COMMD1: variants seen among roughly 807,000 people sequenced by gnomAD.
COMMD1 encodes COMM domain-containing protein 1.
COMMD1 carries 10 observed loss-of-function variants against 17.2 expected under a neutral mutation model. The observed-to-expected ratio is 0.58, with a 90% CI of 0.36 to 0.99. COMMD1 has a LOEUF of 0.99. Ranked by LOEUF, COMMD1 falls within the 50% of genes least tolerant of loss-of-function variation. The pLI, the probability that COMMD1 is intolerant of heterozygous loss-of-function variation, is 0.01. For missense variants in COMMD1, 270 were observed against 231.8 expected, an observed-to-expected ratio of 1.17 and a Z score of -1.07; for synonymous variants, 97 against 91.6, an observed-to-expected ratio of 1.06 and a Z score of -0.34.
intron 1 of COMMD1, among the ~76,000 whole-genome samples, chr2:61,938,130 A>T (rs926873495): frequency 1.3e-5 from 2 of 152,072 alleles, no homozygotes; most frequent in Non-Finnish European, 2.9e-5. Flanking sequence ...ATGGTTCAGC[A>T]ATTATTGCAT....
rs116269955 is a variant in COMMD1 at position 62,086,155 on chromosome 2, C to T, written c.463-49676C>T. On this transcript the variant is annotated intron_variant, in intron 2 of 2. Coordinates refer to ENST00000311832, the MANE Select transcript of COMMD1 (RefSeq NM_152516.4). The stretch of plus-strand genomic sequence containing the variant: ...CATGATCACACTGCTGCACTCCAGC[C>T]TGGGATACAGAGCAAGATTCTGTCT... Among the ~76,000 whole-genome samples, 387 of 152,082 alleles carry T rather than the reference C, an allele frequency of 2.5e-3. 1 individual carries two copies. The highest frequency in any genetic ancestry group is 8.9e-3 in the African/African-American group (369 of 41,482).
At chr2:62,059,702 GGACTATA>G (rs1403161477) in intron 2 of COMMD1, among the ~76,000 whole-genome samples, 2 of 152,186 alleles carry the variant, frequency 1.3e-5, no homozygotes, top group African/African-American at 4.8e-5. Flanking sequence ...CCAGTAGCTA[GGACTATA>G]GACACAAGCT....
At chr2:62,091,977 G>C (rs910971455) in intron 2 of COMMD1, among the ~76,000 whole-genome samples, 6 of 152,170 alleles carry the variant, frequency 3.9e-5, no homozygotes, top group African/African-American at 1.4e-4. Flanking sequence ...GAATGGTGCT[G>C]TTCCATATAA....
chr2:62,082,486 A>C (rs1401272651), intron 2 of COMMD1, among the ~76,000 whole-genome samples: 3 of 152,172 alleles, frequency 2.0e-5, no homozygotes, highest in Non-Finnish European at 4.4e-5. Flanking sequence ...GGCAGTGACT[A>C]GCTCTCCCAG....
intron 2 of COMMD1, among the ~76,000 whole-genome samples, chr2:62,054,395 G>A (rs754835512): frequency 6.6e-6 from 1 of 152,158 alleles, no homozygotes; most frequent in Non-Finnish European, 1.5e-5. Flanking sequence ...ACCTCTACTC[G>A]TATGTTTATC....
intron 2 of COMMD1, among the ~76,000 whole-genome samples, chr2:62,099,276 C>T (rs1452296991): frequency 1.3e-5 from 2 of 152,084 alleles, no homozygotes; most frequent in East Asian, 1.9e-4. Flanking sequence ...GCAAGCTTAT[C>T]GTTTCCTCTT....
chr2:61,998,288 T>C (rs1412503845), intron 1 of COMMD1, among the ~76,000 whole-genome samples: 1 of 150,360 alleles, frequency 6.7e-6, no homozygotes, highest in Non-Finnish European at 1.5e-5. Context: ...AGTCTCACTC[T>C]GTCCTCCAGG....
upstream of COMMD1, chr2:61,888,469 G>C: frequency 6.2e-7 from 1 of 1,611,980 alleles, no homozygotes; most frequent in East Asian, 2.2e-5. Context: ...CGGCAGCCCC[G>C]GCAGTCGCCC....
intron 2 of COMMD1, among the ~76,000 whole-genome samples, chr2:62,063,943 A>G (rs997014265): frequency 8.0e-5 from 11 of 137,166 alleles, no homozygotes; most frequent in African/African-American, 3.0e-4. Flanking sequence ...GCTACTCAGG[A>G]GGCTGAGGTA....
intron 1 of COMMD1, among the ~76,000 whole-genome samples, chr2:61,907,340 C>T (rs1371464626): frequency 2.6e-5 from 4 of 152,184 alleles, no homozygotes; most frequent in African/African-American, 4.8e-5. Flanking sequence ...CTCCTGACTT[C>T]GTTATCCGCC....
rs1008697625 is a variant in COMMD1, at chr2:62,136,054, C to T, written c.*113C>T. ...CGCATTGGTATTAAATCCTCGCATT[C>T]AGTCTTCCTGCCTCTACTTGCTCAG... On this transcript the variant is annotated 3_prime_UTR_variant, in exon 3 of 3. Coordinates refer to ENST00000311832, the MANE Select transcript of COMMD1 (RefSeq NM_152516.4). The T allele has an allele frequency of 1.7e-5, 12 of 707,560 alleles. No homozygotes were observed. The highest frequency in any genetic ancestry group is 2.9e-5 in the Non-Finnish European group (11 of 384,986). The allele number at this position is 707,560 out of a possible 1,614,324, so 43.8% of individuals were successfully genotyped here. A position where few individuals can be genotyped will look rare whatever the true frequency, so the allele number is the denominator to read the frequency against.
chr2:62,082,649 C>T (rs1478363900), intron 2 of COMMD1, among the ~76,000 whole-genome samples: 1 of 152,104 alleles, frequency 6.6e-6, no homozygotes, highest in Non-Finnish European at 1.5e-5. Flanking sequence ...ATCACAAGGT[C>T]AGGAGTTCAA....
chr2:62,122,799 G>C (rs541072219), intron 2 of COMMD1, among the ~76,000 whole-genome samples: 30 of 152,232 alleles, frequency 2.0e-4, no homozygotes, highest in African/African-American at 7.2e-4. Context: ...AAGAACCTCT[G>C]GGTCCTATTC....
At chr2:62,058,496 C>G (rs892042893) in intron 2 of COMMD1, among the ~76,000 whole-genome samples, 3 of 152,132 alleles carry the variant, frequency 2.0e-5, no homozygotes, top group Non-Finnish European at 2.9e-5. Flanking sequence ...CTTCTTAAGA[C>G]CAGGCATGGT....
chr2:61,970,228 A>C (rs915199078), intron 1 of COMMD1, among the ~76,000 whole-genome samples: 11 of 151,536 alleles, frequency 7.3e-5, no homozygotes, highest in Non-Finnish European at 1.6e-4. Flanking sequence ...GCTGCATTCC[A>C]TCCAGCCTGG....
At chr2:62,011,651 C>A (rs1029763423) in intron 2 of COMMD1, among the ~76,000 whole-genome samples, 2 of 152,066 alleles carry the variant, frequency 1.3e-5, no homozygotes, top group African/African-American at 4.8e-5. Flanking sequence ...GAGGATGTAT[C>A]AGTGAACAAT....
At chr2:61,996,978 G>T (rs1232573008) in intron 1 of COMMD1, among the ~76,000 whole-genome samples, 1 of 151,940 alleles carries the variant, frequency 6.6e-6, no homozygotes, top group Non-Finnish European at 1.5e-5. Context: ...TTTCCTGAAG[G>T]TTTTCAGTTT....
Position 61,914,033 on chromosome 2 carries a change from G to A in COMMD1, c.180+8175G>A, listed in dbSNP as rs552048856. On this transcript the variant is annotated intron_variant, in intron 1 of 2. Transcript: ENST00000311832. ...AAAAATACAAAAAAATTAGCCACGT[G>A]TGGTGGTGGGAGCCTGTAGTCCCAG... is the stretch of plus-strand genomic sequence containing the variant. 2.3e-4 allele frequency among the ~76,000 whole-genome samples: 35 copies of A among 151,510 alleles called. No homozygotes were observed. In the South Asian group the frequency reaches 7.1e-3, roughly 31 times the overall value.
chr2:62,105,065 C>T (rs1431444855), intron 2 of COMMD1, among the ~76,000 whole-genome samples: 3 of 148,882 alleles, frequency 2.0e-5, no homozygotes, highest in East Asian at 2.0e-4. Context: ...GTGGAGGTTG[C>T]GGTAAGCTGA....
Sources: allele counts gnomAD v4.1 joint callset (sites outside exome capture counted in the v4.1 genomes callset), GRCh38; gene constraint gnomAD v4.1.1; transcripts MANE v1.5; gene names NCBI Gene and HGNC (gene_info 2026-07-23, HGNC 2026-07-21).